RBFOX1: variants seen among roughly 807,000 people sequenced by gnomAD.
RBFOX1 encodes RNA binding fox-1 homolog 1.
In RBFOX1, 8 loss-of-function variants were observed where a neutral mutation model predicts 57.7. That is an observed-to-expected ratio of 0.14 (90% CI 0.08 to 0.25). RBFOX1 has a LOEUF of 0.25. RBFOX1 is among the 10% of genes least tolerant of loss of function. The probability of loss-of-function intolerance (pLI) is 1.00; values close to 1 mark genes in which losing one functional copy is unlikely to be tolerated. For synonymous variants in RBFOX1, 326 were observed against 222.4 expected (o/e 1.47, Z -4.15); for missense variants, 611 against 548.5 (o/e 1.11, Z -1.14).
intron 3 of RBFOX1, among the ~76,000 whole-genome samples, chr16:5,625,716 C>T (rs1475488531): frequency 6.6e-6 from 1 of 151,516 alleles, no homozygotes; most frequent in Non-Finnish European, 1.5e-5. Context: ...CACCACCATG[C>T]TCAGCAAATT....
chr16:6,643,618 A>G (rs2098509820), intron 2 of RBFOX1, among the ~76,000 whole-genome samples: 1 of 152,212 alleles, frequency 6.6e-6, no homozygotes, highest in African/African-American at 2.4e-5. Flanking sequence ...TTCAAATTCA[A>G]GCACAGTATA....
rs978316845 is a variant in RBFOX1, at chr16:5,947,018, C to T, written c.351+79683C>T. On this transcript the variant is annotated intron_variant, in intron 4 of 19. Transcript: ENST00000641259. This position sits in a 1 kb window ranked among gnomAD's most constrained non-coding sequence, Gnocchi z 7.2. ...CTTGAGGCCAGGAGTTTGAGACCAGCTCTAGCAATATAGTGACACCCCATC... is the reference window on the plus strand; with the variant it reads ...CTTGAGGCCAGGAGTTTGAGACCAGTTCTAGCAATATAGTGACACCCCATC... Among the ~76,000 whole-genome samples, 1 of 152,092 alleles carries T rather than the reference C, an allele frequency of 6.6e-6. No individual in the cohort carries two copies. Among genetic ancestry groups the T allele is most frequent in the African/African-American group, 2.4e-5 (1 of 41,412 alleles).
intron 1 of RBFOX1, among the ~76,000 whole-genome samples, chr16:5,307,672 G>A (rs1304546702): frequency 6.6e-6 from 1 of 152,116 alleles, no homozygotes; most frequent in East Asian, 1.9e-4. Context: ...ATTTATTTAT[G>A]ATGAATTATT....
At chr16:5,327,634 C>T in intron 1 of RBFOX1, among the ~76,000 whole-genome samples, 1 of 152,126 alleles carries the variant, frequency 6.6e-6, no homozygotes, top group East Asian at 1.9e-4. Flanking sequence ...CCTACTTCCC[C>T]ACTACATGCC....
At chr16:6,350,782 C>T (rs1178441547) in intron 2 of RBFOX1, among the ~76,000 whole-genome samples, 20 of 152,190 alleles carry the variant, frequency 1.3e-4, no homozygotes, top group East Asian at 1.9e-4. Context: ...TTAATAAGTT[C>T]AACAAAAACT....
intron 1 of RBFOX1, among the ~76,000 whole-genome samples, chr16:6,042,940 A>T (rs2095453933): frequency 1.3e-5 from 2 of 152,024 alleles, no homozygotes; most frequent in South Asian, 4.2e-4. Context: ...TTGATTTAAG[A>T]TAAGGGGGGT....
intron 2 of RBFOX1, among the ~76,000 whole-genome samples, chr16:6,418,306 A>G (rs1285778073): frequency 6.6e-6 from 1 of 152,150 alleles, no homozygotes; most frequent in Admixed American, 6.6e-5. Flanking sequence ...TTGTAGAACC[A>G]TTCTCATTAT....
intron 4 of RBFOX1, among the ~76,000 whole-genome samples, chr16:7,354,360 T>A (rs1272080841): frequency 1.3e-5 from 2 of 152,226 alleles, no homozygotes; most frequent in African/African-American, 4.8e-5. Context: ...CATCAAATTC[T>A]TTCTATTACC....
chr16:6,574,900 T>C (rs1257484544), intron 2 of RBFOX1, among the ~76,000 whole-genome samples: 2 of 150,766 alleles, frequency 1.3e-5, no homozygotes, highest in East Asian at 4.1e-4. Context: ...TTGGCAGGCG[T>C]GGTGGCGGGC....
intron 1 of RBFOX1, among the ~76,000 whole-genome samples, chr16:5,328,516 A>G (rs945311783): frequency 1.3e-5 from 2 of 152,266 alleles, no homozygotes; most frequent in African/African-American, 4.8e-5. Flanking sequence ...AGAATAACTC[A>G]GCCTCGATGA....
At chr16:5,544,410 GGA>G (rs1357099910) in intron 2 of RBFOX1, among the ~76,000 whole-genome samples, 2 of 152,026 alleles carry the variant, frequency 1.3e-5, no homozygotes, top group African/African-American at 2.4e-5. Flanking sequence ...AAATTTTGTG[GGA>G]TACTGTTAGA....
chr16:6,690,697 C>A (rs1032031809), intron 3 of RBFOX1, among the ~76,000 whole-genome samples: 8 of 150,934 alleles, frequency 5.3e-5, no homozygotes, highest in Admixed American at 5.3e-4. Context: ...TGGGTTGAAT[C>A]AAAAACAATA....
At chr16:5,435,582 A>G (rs1258960063) in intron 1 of RBFOX1, among the ~76,000 whole-genome samples, 1 of 152,148 alleles carries the variant, frequency 6.6e-6, no homozygotes, top group Non-Finnish European at 1.5e-5. Flanking sequence ...ACCCACTGAG[A>G]CACAGGTGGG....
intron 2 of RBFOX1, among the ~76,000 whole-genome samples, chr16:6,492,488 G>A (rs149805378): frequency 0.11 from 16,623 of 152,188 alleles, 1,279 homozygotes; most frequent in African/African-American, 0.2. Context: ...AGAATCGCTT[G>A]AACCCGGGAG....
intron 1 of RBFOX1, among the ~76,000 whole-genome samples, chr16:5,284,672 T>C (rs1306392706): frequency 2.0e-5 from 3 of 151,116 alleles, no homozygotes; most frequent in African/African-American, 7.3e-5. Context: ...CTTCTGATTC[T>C]CTGGAATTGT....
At chr16:6,693,543 A>T (rs1272208261) in intron 3 of RBFOX1, among the ~76,000 whole-genome samples, 2 of 150,052 alleles carry the variant, frequency 1.3e-5, no homozygotes, top group Non-Finnish European at 3.0e-5. Flanking sequence ...CATTAGCAAC[A>T]TCATCTTCCT....
At chr16:7,527,673 TTTTTA>T (rs2079008468) in intron 5 of RBFOX1, among the ~76,000 whole-genome samples, 1 of 152,172 alleles carries the variant, frequency 6.6e-6, no homozygotes, top group Non-Finnish European at 1.5e-5. Context: ...AGCCTGTTCT[TTTTTA>T]TATGTGAGGC....
At chr16:6,080,267 C>A (rs2095980335) in intron 1 of RBFOX1, among the ~76,000 whole-genome samples, 1 of 151,848 alleles carries the variant, frequency 6.6e-6, no homozygotes, top group East Asian at 1.9e-4. Flanking sequence ...TGTGGATCAT[C>A]TGTTATGTAA....
At chr16:6,208,779 T>C (rs140030150) in intron 1 of RBFOX1, among the ~76,000 whole-genome samples, 90 of 152,314 alleles carry the variant, frequency 5.9e-4, no homozygotes, top group African/African-American at 2.1e-3. Context: ...AAACACTGCA[T>C]TCCCTTCCTA....
Sources: gnomAD v4.1 joint callset for allele counts (sites outside exome capture counted in the v4.1 genomes callset) on GRCh38, gnomAD v4.1.1 for gene constraint, Gnocchi (gnomAD v3.1) non-coding constraint, MANE v1.5 for transcripts, NCBI Gene and HGNC (gene_info 2026-07-23, HGNC 2026-07-21) for gene names.